Variants in FAM107B observed in about 807,000 individuals in gnomAD.
FAM107B encodes protein FAM107B.
FAM107B carries 21 observed loss-of-function variants against 31.5 expected under a neutral mutation model. The observed-to-expected ratio is 0.67, with a 90% CI of 0.47 to 0.96. FAM107B has a LOEUF of 0.96. Ranked by LOEUF, FAM107B falls within the 40% of genes least tolerant of loss-of-function variation. The pLI is 0.00. For synonymous variants in FAM107B, 157 were observed against 141.5 expected, an observed-to-expected ratio of 1.11 and a Z score of -0.78; for missense variants, 452 against 377.1, an observed-to-expected ratio of 1.20 and a Z score of -1.64.
At chr10:14,555,765 G>A (rs1482831314) in intron 2 of FAM107B, 1 of 152,232 alleles carries the variant, frequency 6.6e-6, no homozygotes, top group African/African-American at 2.4e-5. Context: ...CTGCCACCCA[G>A]GAGGCTCTGT....
intron 1 of FAM107B, among the ~76,000 whole-genome samples, chr10:14,727,950 A>C (rs1262484965): frequency 3.3e-5 from 5 of 152,240 alleles, no homozygotes; most frequent in African/African-American, 1.2e-4. Context: ...ACAAAGGAAA[A>C]GGGACTGAGC....
chr10:14,628,818 A>C (rs1420731641), intron 2 of FAM107B, among the ~76,000 whole-genome samples: 1 of 152,118 alleles, frequency 6.6e-6, no homozygotes, highest in African/African-American at 2.4e-5. Flanking sequence ...GGATCGCTTG[A>C]GCCTAGTCGT....
chr10:14,604,292 C>T, intron 2 of FAM107B: 1 of 978,990 alleles, frequency 1.0e-6, no homozygotes, highest in Non-Finnish European at 1.2e-6. Context: ...TCCCGGCGCC[C>T]GCGGCGGCGC....
intron 2 of FAM107B, among the ~76,000 whole-genome samples, chr10:14,644,851 A>G (rs534075929): frequency 6.6e-6 from 1 of 152,324 alleles, no homozygotes; most frequent in Non-Finnish European, 1.5e-5. Flanking sequence ...CTGTCCCATC[A>G]TCTTCGTGGC....
chr10:14,622,842 A>G (rs1853049645), intron 2 of FAM107B, among the ~76,000 whole-genome samples: 1 of 152,248 alleles, frequency 6.6e-6, no homozygotes, highest in South Asian at 2.1e-4. Flanking sequence ...TCCTTTAAAC[A>G]TAAATCTTCT....
chr10:14,546,752 T>C (rs1848730024), intron 2 of FAM107B, among the ~76,000 whole-genome samples: 1 of 152,174 alleles, frequency 6.6e-6, no homozygotes, highest in Non-Finnish European at 1.5e-5. Context: ...ATTAAGTAAG[T>C]TGGTGAACAA....
chr10:14,566,533 C>A (rs996520763), intron 2 of FAM107B, among the ~76,000 whole-genome samples: 2 of 152,192 alleles, frequency 1.3e-5, no homozygotes, highest in African/African-American at 2.4e-5. Flanking sequence ...CTGGCGCCCA[C>A]CTGGACAGCA....
chr10:14,533,581 C>T (rs1847273066), intron 2 of FAM107B, among the ~76,000 whole-genome samples: 1 of 152,218 alleles, frequency 6.6e-6, no homozygotes, highest in African/African-American at 2.4e-5. Flanking sequence ...CAGTCTCAGG[C>T]TTTGCCTGCC....
At chr10:14,749,706 C>T (rs993513107) in intron 1 of FAM107B, among the ~76,000 whole-genome samples, 2 of 152,142 alleles carry the variant, frequency 1.3e-5, no homozygotes, top group South Asian at 4.1e-4. Context: ...TCCCCATTGC[C>T]CTCTTCCATC....
intron 2 of FAM107B, among the ~76,000 whole-genome samples, chr10:14,622,526 G>A (rs1051546812): frequency 7.9e-5 from 12 of 151,950 alleles, no homozygotes; most frequent in African/African-American, 2.9e-4. Flanking sequence ...AGGCTGGTCT[G>A]GAACTCCTGA....
intron 2 of FAM107B, among the ~76,000 whole-genome samples, chr10:14,591,458 C>T (rs1175742997): frequency 6.6e-6 from 1 of 152,206 alleles, no homozygotes; most frequent in Admixed American, 6.5e-5. Context: ...TCTGTGAATT[C>T]TGTAGATGCC....
intron 1 of FAM107B, among the ~76,000 whole-genome samples, chr10:14,687,673 A>C (rs916423826): frequency 3.3e-5 from 5 of 152,124 alleles, no homozygotes; most frequent in African/African-American, 1.2e-4. Context: ...GATTATAATG[A>C]AAAGTGCTTC....
intron 2 of FAM107B, among the ~76,000 whole-genome samples, chr10:14,548,246 A>G (rs549334008): frequency 6.6e-6 from 1 of 152,116 alleles, no homozygotes; most frequent in South Asian, 2.1e-4. Context: ...CCTGGAGGAG[A>G]AGAGAGCAGA....
At chr10:14,677,540 G>C (rs1211217723) in intron 1 of FAM107B, among the ~76,000 whole-genome samples, 1 of 152,068 alleles carries the variant, frequency 6.6e-6, no homozygotes, top group African/African-American at 2.4e-5. Flanking sequence ...AGAATGGCGC[G>C]AACCCGGGAG....
intron 1 of FAM107B, among the ~76,000 whole-genome samples, chr10:14,685,236 A>G (rs1287172209): frequency 1.3e-5 from 2 of 148,934 alleles, no homozygotes; most frequent in Non-Finnish European, 3.0e-5. Flanking sequence ...GCAACCTCCA[A>G]CTCCTGGGCT....
Position 14,542,337 on chromosome 10 carries a change from A to G in FAM107B, c.470-11822T>C, listed in dbSNP as rs1481326983. ...CGGGCGGTTTAGAGTACCCAAATGAAGGAACTCACCCCACCAAGTCTTCCC... is the reference window on the plus strand; with the variant it reads ...CGGGCGGTTTAGAGTACCCAAATGAGGGAACTCACCCCACCAAGTCTTCCC... On this transcript the variant is annotated intron_variant, in intron 2 of 4. Coordinates refer to ENST00000181796, the MANE Select transcript of FAM107B (RefSeq NM_031453.4). Among the ~76,000 whole-genome samples the G allele has an allele frequency of 3.3e-5, 5 of 151,910 alleles. No individual in the cohort carries two copies. The South Asian group carries it at 1.0e-3, about 32-fold the overall frequency.
At chr10:14,697,225 G>A (rs561668296) in intron 1 of FAM107B, among the ~76,000 whole-genome samples, 3 of 152,258 alleles carry the variant, frequency 2.0e-5, no homozygotes, top group East Asian at 3.9e-4. Flanking sequence ...TGCCTCTGCC[G>A]CTTCATCAGC....
At chr10:14,701,714 G>GTT (rs111354098) in intron 1 of FAM107B, among the ~76,000 whole-genome samples, 14 of 146,334 alleles carry the variant, frequency 9.6e-5, no homozygotes, top group South Asian at 4.3e-4. Flanking sequence ...GCAAAGAGTT[G>GTT]TTTTTTTTTT....
At chr10:14,527,422 C>T (rs551409850) in intron 3 of FAM107B, among the ~76,000 whole-genome samples, 2 of 152,184 alleles carry the variant, frequency 1.3e-5, no homozygotes, top group Admixed American at 1.3e-4. Context: ...TTCTTGTTCT[C>T]AGCCTGTAAC....
Sources: allele counts gnomAD v4.1 joint callset (sites outside exome capture counted in the v4.1 genomes callset), GRCh38; gene constraint gnomAD v4.1.1; transcripts MANE v1.5; gene names NCBI Gene and HGNC (gene_info 2026-07-23, HGNC 2026-07-21).